LRP1B: variants seen among roughly 807,000 people sequenced by gnomAD.
LRP1B encodes the protein LDL receptor related protein 1B.
Under a neutral mutation model 556.6 loss-of-function variants are expected in LRP1B, and 217 were observed. The ratio of observed to expected loss-of-function variants is 0.39; its 90% CI spans 0.35 to 0.44. The LOEUF (loss-of-function observed/expected upper bound fraction) is 0.44, where lower values mean the gene tolerates loss of function less well. Ranked by LOEUF, LRP1B falls within the 20% of genes least tolerant of loss-of-function variation. The pLI is 1.00. For synonymous variants in LRP1B, 2,047 were observed against 1,865.8 expected (o/e 1.10, Z -2.50); for missense variants, 5,053 against 5,620.8 (o/e 0.90, Z 3.23).
At chr2:140,988,474 G>C (rs1320371807) in intron 17 of LRP1B, among the ~76,000 whole-genome samples, 1 of 152,108 alleles carries the variant, frequency 6.6e-6, no homozygotes, top group Non-Finnish European at 1.5e-5. Context: ...ACTCTGGAAT[G>C]ATGGCTGTTT....
At chr2:140,356,583 C>A in intron 74 of LRP1B, 107 bp from the exon 75 acceptor site, 3 of 720,286 alleles carry the variant, frequency 4.2e-6, no homozygotes, top group East Asian at 2.7e-5. Flanking sequence ...ACAGATAACT[C>A]TTTTTGAATG....
At chr2:140,459,063 T>G (rs1687213709) in intron 60 of LRP1B, among the ~76,000 whole-genome samples, 1 of 152,122 alleles carries the variant, frequency 6.6e-6, no homozygotes, top group Non-Finnish European at 1.5e-5. Context: ...ATGTTTTGAA[T>G]TTTGATGTAA....
In LRP1B at chr2:140,358,052, G is replaced by A. The variant is rs376454227; in HGVS notation, c.11322C>T (p.Cys3774=). 1 of 1,611,250 alleles carries A rather than the reference G, an allele frequency of 6.2e-7. No individual in the cohort carries two copies. Among genetic ancestry groups the A allele is most frequent in the Non-Finnish European group, 8.5e-7 (1 of 1,178,276 alleles). Residue 3774 remains cysteine, a synonymous_variant, in exon 74 of 91, where the codon TGC becomes TGT. Transcript: ENST00000389484. ...GATCACACTGGAGATCCATAGGGAT[G>A]CATTTTTTATTACTACAAGCAAACT... ...KDEFACSNKK[C]IPMDLQCDRL... is the part of the protein sequence containing the mutation.
intron 1 of LRP1B, among the ~76,000 whole-genome samples, chr2:142,074,919 AT>A (rs1191334146): frequency 6.6e-6 from 1 of 151,996 alleles, no homozygotes; most frequent in Non-Finnish European, 1.5e-5. Context: ...CTACTTTCAG[AT>A]TCATTTTTCT....
At position 140,526,278 on chromosome 2, in the gene LRP1B, T is replaced by C. The variant is rs2104969870; in HGVS notation, c.7835A>G (p.Gln2612Arg). ...TGAAGCATCTGCACAATCTATGTTC[T>C]GGTTGCATCGTGCTGATCTTGGAAT... The part of the protein sequence containing the change: ...TCIPRSARCN[Q>R]NIDCADASDE... The change falls in exon 48 of 91, where the codon CAG becomes CGG. Residue 2612 changes from glutamine to arginine, a missense_variant. By Grantham distance (43) the Gln-to-Arg change is conservative. Around this residue, in one of 5 missense-constraint regions of LRP1B, gnomAD observed 3,619 missense variants for 3,931.9 expected, o/e 0.92. Coordinates refer to ENST00000389484, the MANE Select transcript of LRP1B (RefSeq NM_018557.3). 1 of 1,612,042 alleles carries C rather than the reference T, an allele frequency of 6.2e-7. No individual in the cohort carries two copies.
Position 140,678,511 on chromosome 2 carries a change from G to A in LRP1B, c.6799+21739C>T, listed in dbSNP as rs530306356. On this transcript the variant is annotated intron_variant, in intron 41 of 90. Coordinates refer to ENST00000389484, the MANE Select transcript of LRP1B (RefSeq NM_018557.3). ...ATATTAGCATTAAAGACTGGACAAGGCATTTTTTCCCCTTTAAGTAAGCAA... is the reference window on the plus strand; with the variant it reads ...ATATTAGCATTAAAGACTGGACAAGACATTTTTTCCCCTTTAAGTAAGCAA... Among the ~76,000 whole-genome samples, 3 of 152,172 alleles carry A rather than the reference G, an allele frequency of 2.0e-5. No homozygotes were observed. The East Asian group carries it at 5.8e-4, about 29-fold the overall frequency.
intron 75 of LRP1B, among the ~76,000 whole-genome samples, chr2:140,355,469 G>A (rs933247984): frequency 6.6e-6 from 1 of 151,896 alleles, no homozygotes; most frequent in East Asian, 1.9e-4. Context: ...TAAACATGAC[G>A]TGACTACACT....
chr2:140,844,102 C>T (rs1451296423), intron 29 of LRP1B, among the ~76,000 whole-genome samples: 1 of 151,504 alleles, frequency 6.6e-6, no homozygotes, highest in Non-Finnish European at 1.5e-5. Context: ...ACTCTTGTTG[C>T]CCAGGCTGGA....
chr2:141,630,148 C>T (rs1163484747), intron 2 of LRP1B, among the ~76,000 whole-genome samples: 1 of 152,190 alleles, frequency 6.6e-6, no homozygotes, highest in African/African-American at 2.4e-5. Flanking sequence ...AAATAGGCCA[C>T]ACCAGCTATC....
rs145100096 is a variant in LRP1B at position 141,319,917 on chromosome 2, A to G, written c.344-65276T>C. Among the ~76,000 whole-genome samples, 256 of 152,240 alleles carry G rather than the reference A, an allele frequency of 1.7e-3. 1 individual carries two copies. Among genetic ancestry groups the G allele is most frequent in the African/African-American group, 4.7e-3 (197 of 41,562 alleles). On this transcript the variant is annotated intron_variant, in intron 3 of 90. Coordinates refer to ENST00000389484, the MANE Select transcript of LRP1B (RefSeq NM_018557.3). ...ATTTTTAACCTTAATATGAAATAAT[A>G]TCTTTAAATCCAATGATATTCTGAT... is the stretch of plus-strand genomic sequence containing the variant.
intron 65 of LRP1B, 77 bp downstream of exon 65, chr2:140,444,253 T>C: frequency 6.9e-7 from 1 of 1,456,066 alleles, no homozygotes; most frequent in Non-Finnish European, 9.4e-7. Flanking sequence ...TATGAATTTA[T>C]GAAGTATAGT....
At chr2:140,916,062 G>C (rs973192826) in intron 21 of LRP1B, among the ~76,000 whole-genome samples, 1 of 151,814 alleles carries the variant, frequency 6.6e-6, no homozygotes. Flanking sequence ...TCACTGGGAG[G>C]AATCAAGGAA....
chr2:141,049,407 CAG>C (rs1698972504), intron 10 of LRP1B, among the ~76,000 whole-genome samples, 185 bp from the exon 11 acceptor site: 1 of 152,076 alleles, frequency 6.6e-6, no homozygotes, highest in Non-Finnish European at 1.5e-5. Flanking sequence ...TTAATTAAAA[CAG>C]AAATTACTTC....
intron 20 of LRP1B, among the ~76,000 whole-genome samples, chr2:140,948,782 G>A (rs1473403603): frequency 6.6e-6 from 1 of 152,058 alleles, no homozygotes; most frequent in Non-Finnish European, 1.5e-5. Context: ...AGCCATATTT[G>A]GATCTTTACT....
chr2:140,921,488 T>C lies in LRP1B; in HGVS notation c.3319+1477A>G, dbSNP rs564777930. On this transcript the variant is annotated intron_variant, in intron 21 of 90. Transcript: ENST00000389484. ...AGTCAAATAATTGGCTCTTTGGCAT[T>C]AGAATTCCCCTATTAAATGAAATCT... Among the ~76,000 whole-genome samples the C allele has an allele frequency of 2.6e-5, 4 of 152,116 alleles. No individual in the cohort carries two copies. The South Asian group carries it at 8.3e-4, about 31-fold the overall frequency.
At chr2:140,969,838 G>C (rs551783320) in intron 18 of LRP1B, among the ~76,000 whole-genome samples, 1 of 152,276 alleles carries the variant, frequency 6.6e-6, no homozygotes, top group South Asian at 2.1e-4. Context: ...TAAGAATGTT[G>C]AATATTGGCC....
At chr2:141,683,050 G>A (rs1365682389) in intron 2 of LRP1B, among the ~76,000 whole-genome samples, 1 of 152,114 alleles carries the variant, frequency 6.6e-6, no homozygotes, top group African/African-American at 2.4e-5. Flanking sequence ...AGCTGAAAAG[G>A]ACGAGGTGAA....
At chr2:140,895,893 G>A (rs776257922) in intron 23 of LRP1B, among the ~76,000 whole-genome samples, 1 of 152,096 alleles carries the variant, frequency 6.6e-6, no homozygotes, top group Non-Finnish European at 1.5e-5. Flanking sequence ...CTTCTCTGCT[G>A]CTCTGCTGCC....
rs144631876 is a variant in LRP1B at position 140,332,547 on chromosome 2, C to T, written c.12223+1906G>A. 7.0e-3 allele frequency among the ~76,000 whole-genome samples: 1,059 copies of T among 152,194 alleles called. 6 individuals are homozygous for T. The highest frequency in any genetic ancestry group is 0.011 in the Non-Finnish European group (714 of 67,978). ...GTGAGGACTCGCACATACCCTCCTT[C>T]TCCAGATAATTGTGCTTAACTGGTT... On this transcript the variant is annotated intron_variant, in intron 79 of 90. Coordinates refer to ENST00000389484, the MANE Select transcript of LRP1B (RefSeq NM_018557.3).
Sources: allele counts gnomAD v4.1 joint callset (sites outside exome capture counted in the v4.1 genomes callset), GRCh38; gene constraint gnomAD v4.1.1; regional missense constraint gnomAD v4.1.1; transcripts MANE v1.5; gene names NCBI Gene and HGNC (gene_info 2026-07-23, HGNC 2026-07-21).